MTMR14: variants seen among roughly 807,000 people sequenced by gnomAD.
MTMR14 encodes phosphatidylinositol-3,5-bisphosphate 3-phosphatase MTMR14.
In MTMR14, 48 loss-of-function variants were observed where a neutral mutation model predicts 86.3. That is an observed-to-expected ratio of 0.56 (90% CI 0.44 to 0.71). The LOEUF (loss-of-function observed/expected upper bound fraction) is 0.71. MTMR14 is among the 30% of genes least tolerant of loss of function. The pLI is 0.00. For synonymous variants in MTMR14, 366 were observed against 326.1 expected, an observed-to-expected ratio of 1.12 and a Z score of -1.32; for missense variants, 780 against 834.6, an observed-to-expected ratio of 0.93 and a Z score of 0.81.
At chr3:9,654,086 C>G (rs2047463011) in intron 2 of MTMR14, among the ~76,000 whole-genome samples, 1 of 152,110 alleles carries the variant, frequency 6.6e-6, no homozygotes, top group African/African-American at 2.4e-5. Flanking sequence ...GGGAGGTACA[C>G]TGTGTAAAGA....
rs141514382 is a variant in MTMR14 at position 9,687,458 on chromosome 3, G to C, written c.1165-363G>C. ...TAGTCCCAGCTACTCGGGAGGCTGA[G>C]GCAGGAGAGTGGCTTGAACCCAGGA... On this transcript the variant is annotated intron_variant, in intron 13 of 18. Coordinates refer to ENST00000296003, the MANE Select transcript of MTMR14 (RefSeq NM_001077525.3). 2.0e-3 allele frequency among the ~76,000 whole-genome samples: 308 copies of C among 152,150 alleles called. 2 individuals carry two copies. The highest frequency in any genetic ancestry group is 6.7e-3 in the African/African-American group (280 of 41,494).
chr3:9,689,658 G>A (rs1433134862), intron 16 of MTMR14, among the ~76,000 whole-genome samples: 1 of 152,150 alleles, frequency 6.6e-6, no homozygotes, highest in African/African-American at 2.4e-5. Context: ...ATGAGACCCC[G>A]TCTTTTAGAG....
Position 9,682,943 on chromosome 3 carries a change from C to A in MTMR14, c.898-235C>A, listed in dbSNP as rs970200384. 1.3e-5 allele frequency among the ~76,000 whole-genome samples: 2 copies of A among 151,486 alleles called. 1 individual carries two copies. The highest frequency in any genetic ancestry group is 3.9e-4 in the East Asian group (2 of 5,170). ...TCACATTGGGTCAGAGCCCCCCCCC[C>A]GCCCCCGCCCCCCGAGTAGGGGGTC... On this transcript the variant is annotated intron_variant, in intron 9 of 18. Transcript: ENST00000296003.
At chr3:9,680,499 C>G (rs1174014770) in intron 9 of MTMR14, among the ~76,000 whole-genome samples, 1 of 152,248 alleles carries the variant, frequency 6.6e-6, no homozygotes, top group Non-Finnish European at 1.5e-5. Context: ...TGTACATGGC[C>G]TACCCAGCTC....
At chr3:9,680,803 C>CTCCA (rs2075740797) in intron 9 of MTMR14, among the ~76,000 whole-genome samples, 1 of 152,238 alleles carries the variant, frequency 6.6e-6, no homozygotes. Flanking sequence ...CGCCACTACA[C>CTCCA]TCCAGCCTGG....
At position 9,688,966 on chromosome 3, in the gene MTMR14, C is replaced by T. The variant is rs1055839056; in HGVS notation, c.1317C>T (p.Thr439=). ...TAGGACGAAAGGACCGTGGCAGCAC[C>T]ACCAGCCTTGGCAGCGACTTCTCCC... ...CMLRRKDRGS[T]TSLGSDFSLV... The change falls in exon 16 of 19, where the codon ACC becomes ACT. Residue 439 remains threonine (T), a synonymous_variant. Transcript: ENST00000296003. 2.4e-5 allele frequency: 38 copies of T among 1,614,046 alleles called. No homozygotes were observed. Among genetic ancestry groups the T allele is most frequent in the Non-Finnish European group, 3.1e-5 (36 of 1,180,036 alleles).
chr3:9,678,005 A>T lies in MTMR14; in HGVS notation c.844A>T (p.Ser282Cys), dbSNP rs746535556. The T allele has an allele frequency of 3.1e-6, 5 of 1,613,892 alleles. No homozygotes were observed. The highest frequency in any genetic ancestry group is 4.2e-6 in the Non-Finnish European group (5 of 1,179,972). ...WKQDYVDAPL[S>C]IPDFLTHSLN... is the part of the protein sequence containing the mutation. ...CCAGGACTACGTTGATGCCCCATTG[A>T]GCATCCCCGACTTCCTGACTCACTC... is the stretch of plus-strand genomic sequence containing the variant. Residue 282 changes from serine to cysteine, a missense_variant, in exon 9 of 19, where the codon AGC (serine) becomes TGC (cysteine). Transcript: ENST00000296003.
At position 9,684,554 on chromosome 3, in the gene MTMR14, C is replaced by T. The variant is rs995340179; in HGVS notation, c.965-31C>T. On this transcript the variant is annotated intron_variant, in intron 10 of 18. Coordinates refer to ENST00000296003, the MANE Select transcript of MTMR14 (RefSeq NM_001077525.3). ...TCATCGGCCCATGTCTGGTTCTCTCCTGGGCATCCTCTCCTGCGGTTCCTG... is the reference window on the plus strand; with the variant it reads ...TCATCGGCCCATGTCTGGTTCTCTCTTGGGCATCCTCTCCTGCGGTTCCTG... The T allele has an allele frequency of 1.9e-6, 3 of 1,608,882 alleles. No homozygotes were observed. The African/African-American group carries it at 4.0e-5, about 22-fold the overall frequency.
chr3:9,677,154 G>T lies in MTMR14; in HGVS notation c.752-163G>T, dbSNP rs1370352736. 2.6e-5 allele frequency among the ~76,000 whole-genome samples: 4 copies of T among 152,174 alleles called. No individual in the cohort carries two copies. The highest frequency in any genetic ancestry group is 2.6e-4 in the Admixed American group (4 of 15,282). Reference sequence around the variant, plus strand: ...CTCTAGAGGCTCGCCCCTGGCTTTTGCCCACCCGTGTCAGCCTTGGCCTCA... The same window carrying T: ...CTCTAGAGGCTCGCCCCTGGCTTTTTCCCACCCGTGTCAGCCTTGGCCTCA... On this transcript the variant is annotated intron_variant, in intron 7 of 18. Transcript: ENST00000296003. The surrounding 1 kb of genome is among the most constrained non-coding windows in gnomAD (Gnocchi z 4.2).
chr3:9,684,530 C>T lies in MTMR14; in HGVS notation c.965-55C>T, dbSNP rs1485783484. 13 of 1,565,208 alleles carry T rather than the reference C, an allele frequency of 8.3e-6. No individual in the cohort carries two copies. The East Asian group carries it at 2.7e-4, about 32-fold the overall frequency. On this transcript the variant is annotated intron_variant, in intron 10 of 18. Transcript: ENST00000296003. Reference sequence around the variant, plus strand: ...GGCCAAGCTGGTGGTACTTCCTGCTCATCGGCCCATGTCTGGTTCTCTCCT... The same window carrying T: ...GGCCAAGCTGGTGGTACTTCCTGCTTATCGGCCCATGTCTGGTTCTCTCCT...
rs4021696 is a variant in MTMR14, at chr3:9,701,714, TGGAG to T, written c.1770-66_1770-63del. 0.79 allele frequency: 1,180,962 copies of T among 1,497,596 alleles called. 469,466 individuals are homozygous for T. The highest frequency in any genetic ancestry group is 0.96 in the African/African-American group (69,403 of 72,664). 92.8% of individuals were successfully genotyped at this position (1,497,596 alleles called of 1,614,324 possible). On this transcript the variant is annotated intron_variant, in intron 18 of 18. Transcript: ENST00000296003. The surrounding 1 kb of genome is among the most constrained non-coding windows in gnomAD (Gnocchi z 4.2). ...AGAAGAAGCACAAGGACAGGTGGTATGGAGGGAGGGAGGATGAGGATACTGGGTC... is the reference window on the plus strand; with the variant it reads ...AGAAGAAGCACAAGGACAGGTGGTATGGAGGGAGGATGAGGATACTGGGTC...
intron 17 of MTMR14, among the ~76,000 whole-genome samples, chr3:9,693,397 C>T (rs2076192740): frequency 6.6e-6 from 1 of 152,228 alleles, no homozygotes; most frequent in Non-Finnish European, 1.5e-5. Flanking sequence ...GGGCTGTCCC[C>T]TACACATGCA....
intron 9 of MTMR14, 82 bp downstream of exon 9, chr3:9,678,140 C>T: frequency 1.4e-6 from 2 of 1,430,596 alleles, no homozygotes; most frequent in South Asian, 1.2e-5. Context: ...CCACAAGGCC[C>T]TCGTGTGTTT....
At chr3:9,674,719 A>T (rs10510414) in intron 7 of MTMR14, among the ~76,000 whole-genome samples, 13,465 of 152,346 alleles carry the variant, frequency 0.088, 605 homozygotes, top group Admixed American at 0.11. Context: ...TATACTCTCA[A>T]CTAAGTAAAG....
intron 2 of MTMR14, among the ~76,000 whole-genome samples, chr3:9,661,681 C>T (rs2047942367): frequency 6.6e-6 from 1 of 152,028 alleles, no homozygotes; most frequent in South Asian, 2.1e-4. Flanking sequence ...ATCCAGTTTT[C>T]TGTGTATATT....
chr3:9,687,718 C>T (rs537870315), intron 13 of MTMR14, 103 bp from the exon 14 acceptor site: 15 of 898,652 alleles, frequency 1.7e-5, no homozygotes, highest in South Asian at 2.8e-5. Context: ...ACAGCAGGGC[C>T]GCTCTCCAGC....
In MTMR14 at chr3:9,649,610, C is replaced by CGCT. The variant is rs1372578070; in HGVS notation, c.30_32dup (p.Ala11dup). 1 of 1,549,184 alleles carries CGCT rather than the reference C, an allele frequency of 6.5e-7. No individual in the cohort carries two copies. The highest frequency in any genetic ancestry group is 1.4e-5 in the African/African-American group (1 of 73,124). On this transcript the variant is annotated inframe_insertion, in exon 1 of 19. Coordinates refer to ENST00000296003, the MANE Select transcript of MTMR14 (RefSeq NM_001077525.3). ...TGGCCGGCGCTCGGGCCGCCGCCGC[C>CGCT]GCTGCCTCGGCGGGGTCCTCGGCCT...
chr3:9,687,658 G>A (rs965858249), intron 13 of MTMR14, among the ~76,000 whole-genome samples, 163 bp from the exon 14 acceptor site: 1 of 151,900 alleles, frequency 6.6e-6, no homozygotes, highest in Non-Finnish European at 1.5e-5. Context: ...CCCTTCCAAG[G>A]CCTCTGTACC....
intron 18 of MTMR14, among the ~76,000 whole-genome samples, chr3:9,698,227 G>T (rs1373366177): frequency 6.6e-6 from 1 of 152,276 alleles, no homozygotes; most frequent in African/African-American, 2.4e-5. Flanking sequence ...GTATGGTGGA[G>T]GCCAGAGCCA....
Sources: allele counts gnomAD v4.1 joint callset (sites outside exome capture counted in the v4.1 genomes callset), GRCh38; gene constraint gnomAD v4.1.1; non-coding constraint Gnocchi (gnomAD v3.1); transcripts MANE v1.5; gene names NCBI Gene and HGNC (gene_info 2026-07-23, HGNC 2026-07-21).